Variants in DGKI observed in about 807,000 individuals in gnomAD.
DGKI encodes DAG kinase iota.
In DGKI, 55 loss-of-function variants were observed where a neutral mutation model predicts 147.5. The ratio of observed to expected loss-of-function variants is 0.37; its 90% confidence interval spans 0.30 to 0.47. The LOEUF (loss-of-function observed/expected upper bound fraction) is 0.47. Among genes scored for constraint, DGKI ranks in the 20% least tolerant of loss-of-function variants. The probability of loss-of-function intolerance (pLI) is 1.00; values close to 1 mark genes in which losing one functional copy is unlikely to be tolerated. For synonymous variants in DGKI, 469 were observed against 477.1 expected (o/e 0.98, Z 0.22); for missense variants, 1,007 against 1,323.8 (o/e 0.76, Z 3.71).
rs1328370672 is a variant in DGKI, at chr7:137,451,119, A to G, written c.2736-7017T>C. On this transcript the variant is annotated intron_variant, in intron 27 of 32. Transcript: ENST00000614521. ...TTAAAGTCACAAACTTCGAAAACAA[A>G]CAAACAAACAAAAAATAAAACAGGA... Among the ~76,000 whole-genome samples the G allele has an allele frequency of 2.0e-5, 3 of 152,322 alleles. No individual in the cohort carries two copies. The South Asian group carries it at 6.2e-4, about 32-fold the overall frequency.
chr7:137,463,871 G>A (rs1814548949), intron 26 of DGKI, among the ~76,000 whole-genome samples: 1 of 152,184 alleles, frequency 6.6e-6, no homozygotes, highest in Admixed American at 6.5e-5. Context: ...TGAATAAGAA[G>A]TAATAGACCT....
chr7:137,559,570 A>G (rs184422400), intron 19 of DGKI, among the ~76,000 whole-genome samples: 8 of 152,326 alleles, frequency 5.3e-5, no homozygotes, highest in Admixed American at 2.6e-4. Flanking sequence ...CATACTTACT[A>G]TAAGTCAAAA....
intron 1 of DGKI, among the ~76,000 whole-genome samples, chr7:137,835,725 C>A (rs189295709): frequency 6.6e-6 from 1 of 152,266 alleles, no homozygotes; most frequent in Non-Finnish European, 1.5e-5. Context: ...AGAATACCAG[C>A]TAGTGATTCC....
At chr7:137,528,224 T>C (rs749313058) in intron 20 of DGKI, among the ~76,000 whole-genome samples, 29 of 152,168 alleles carry the variant, frequency 1.9e-4, no homozygotes, top group South Asian at 4.1e-4. Flanking sequence ...GACCTCTGGA[T>C]CAGGAAATAA....
intron 3 of DGKI, among the ~76,000 whole-genome samples, chr7:137,657,724 T>C (rs1822278245): frequency 6.6e-6 from 1 of 152,192 alleles, no homozygotes; most frequent in Non-Finnish European, 1.5e-5. Context: ...CGAGGAGTGG[T>C]TTCCCCTGCT....
At chr7:137,585,467 A>G in intron 13 of DGKI, 121 bp from the exon 14 acceptor site, 1 of 1,249,100 alleles carries the variant, frequency 8.0e-7, no homozygotes, top group Non-Finnish European at 1.1e-6. Context: ...CAAGGTTTGA[A>G]GAGCAAATTT....
intron 23 of DGKI, among the ~76,000 whole-genome samples, chr7:137,471,095 T>A (rs115128124): frequency 0.012 from 1,811 of 152,306 alleles, 31 homozygotes; most frequent in African/African-American, 0.041. Context: ...CTGCCAGTGA[T>A]AACTGGGGAG....
chr7:137,578,806 G>A (rs1353831652), intron 15 of DGKI, among the ~76,000 whole-genome samples: 1 of 152,208 alleles, frequency 6.6e-6, no homozygotes, highest in Admixed American at 6.5e-5. Context: ...CATAGGGCAT[G>A]ACTTCCGTAA....
chr7:137,493,690 A>C (rs1011776340), intron 21 of DGKI: 2 of 693,310 alleles, frequency 2.9e-6, no homozygotes, highest in Non-Finnish European at 5.2e-6. Context: ...AAAAGATAGC[A>C]ACTTCAAAGA....
At chr7:137,488,048 T>C (rs565372508) in intron 21 of DGKI, among the ~76,000 whole-genome samples, 2 of 152,308 alleles carry the variant, frequency 1.3e-5, no homozygotes, top group South Asian at 4.1e-4. Context: ...TTTATGCTTA[T>C]GCCTAAATTT....
At chr7:137,544,343 C>T (rs986018827) in intron 20 of DGKI, among the ~76,000 whole-genome samples, 5 of 152,078 alleles carry the variant, frequency 3.3e-5, no homozygotes, top group Non-Finnish European at 7.4e-5. Context: ...ATTGAACTGG[C>T]CTATATAGAA....
intron 1 of DGKI, among the ~76,000 whole-genome samples, chr7:137,703,607 C>T (rs371037297): frequency 3.6e-4 from 55 of 152,254 alleles, no homozygotes; most frequent in African/African-American, 1.3e-3. Flanking sequence ...AAGTATCTGT[C>T]CAATAATTAG....
chr7:137,524,337 T>C (rs538197569), intron 20 of DGKI, among the ~76,000 whole-genome samples: 1 of 152,304 alleles, frequency 6.6e-6, no homozygotes, highest in South Asian at 2.1e-4. Context: ...TGCAAGTTGT[T>C]ATCTCTGTGT....
intron 1 of DGKI, among the ~76,000 whole-genome samples, chr7:137,786,328 G>A (rs1414096505): frequency 6.6e-6 from 1 of 152,052 alleles, no homozygotes; most frequent in Non-Finnish European, 1.5e-5. Flanking sequence ...CACCAACAGT[G>A]ACCAAGTTGA....
At chr7:137,651,697 C>A (rs1449834807) in intron 5 of DGKI, among the ~76,000 whole-genome samples, 1 of 151,948 alleles carries the variant, frequency 6.6e-6, no homozygotes, top group African/African-American at 2.4e-5. Flanking sequence ...TAGAAAAGAA[C>A]TAAGCTCGGA....
At chr7:137,742,024 G>T (rs1795186990) in intron 1 of DGKI, among the ~76,000 whole-genome samples, 1 of 152,156 alleles carries the variant, frequency 6.6e-6, no homozygotes, top group African/African-American at 2.4e-5. Context: ...CGTCCTTAGT[G>T]CCTGACTCCT....
chr7:137,600,003 A>G (rs1819931578), intron 10 of DGKI, 98 bp from the exon 11 acceptor site: 5 of 1,087,258 alleles, frequency 4.6e-6, no homozygotes, highest in African/African-American at 1.6e-5. Context: ...AAAATAATAC[A>G]CAGGGCACGG....
intron 20 of DGKI, among the ~76,000 whole-genome samples, chr7:137,542,317 TTATAGGAACTC>T (rs1817730876): frequency 6.6e-6 from 1 of 152,336 alleles, no homozygotes; most frequent in African/African-American, 2.4e-5. Flanking sequence ...TCATCAATGT[TTATAGGAACTC>T]TACTCATTAT....
At chr7:137,577,853 C>T (rs917771527) in intron 16 of DGKI, among the ~76,000 whole-genome samples, 3 of 152,140 alleles carry the variant, frequency 2.0e-5, no homozygotes, top group African/African-American at 7.2e-5. Flanking sequence ...TGAAAAACAC[C>T]CCATATTCTG....
Sources: gnomAD v4.1 joint callset for allele counts (sites outside exome capture counted in the v4.1 genomes callset) on GRCh38, gnomAD v4.1.1 for gene constraint, MANE v1.5 for transcripts, NCBI Gene and HGNC (gene_info 2026-07-23, HGNC 2026-07-21) for gene names.